KIF5C: variants seen among roughly 807,000 people sequenced by gnomAD.
KIF5C encodes kinesin family member 5C, also known as kinesin heavy chain isoform 5C.
Under a neutral mutation model 125.2 loss-of-function variants are expected in KIF5C, and 18 were observed. That is an observed-to-expected ratio of 0.14 (90% confidence interval 0.10 to 0.21). The LOEUF is 0.21. Among genes scored for constraint, KIF5C ranks in the 10% least tolerant of loss-of-function variants. The probability of loss-of-function intolerance (pLI) is 1.00; values close to 1 mark genes in which losing one functional copy is unlikely to be tolerated. For synonymous variants in KIF5C, 405 were observed against 434.0 expected (o/e 0.93, Z 0.83); for missense variants, 780 against 1,183.8 (o/e 0.66, Z 5.01).
In KIF5C at chr2:148,876,750, C is replaced by A. The variant is rs970611665; in HGVS notation, c.126+1007C>A. On this transcript the variant is annotated intron_variant, in intron 1 of 25. Transcript: ENST00000435030. The surrounding 1 kb of genome is among the most constrained non-coding windows in gnomAD (Gnocchi z 4.7). The stretch of plus-strand genomic sequence containing the variant: ...AGCTCGGTCCCCCGCCCCTTCCCCG[C>A]CCGCTGTCCGTAGCGTGTGTGGCTG... Among the ~76,000 whole-genome samples, 5 of 152,208 alleles carry A rather than the reference C, an allele frequency of 3.3e-5. No individual in the cohort carries two copies. Among genetic ancestry groups the A allele is most frequent in the African/African-American group, 1.2e-4 (5 of 41,452 alleles).
chr2:148,886,936 T>G (rs1284899017), intron 1 of KIF5C, among the ~76,000 whole-genome samples: 1 of 152,142 alleles, frequency 6.6e-6, no homozygotes, highest in Admixed American at 6.5e-5. Flanking sequence ...GAAACAATGT[T>G]TTCTGGTCTA....
chr2:148,973,817 C>CT (rs1262453119), intron 12 of KIF5C, among the ~76,000 whole-genome samples: 2 of 152,118 alleles, frequency 1.3e-5, no homozygotes, highest in Admixed American at 1.3e-4. Context: ...GTGTGAGTGT[C>CT]TATGATCTTT....
At position 148,944,107 on chromosome 2, in the gene KIF5C, TA is replaced by T. The variant is rs763883250; in HGVS notation, c.589+1356del. 5.9e-4 allele frequency among the ~76,000 whole-genome samples: 90 copies of T among 151,704 alleles called. No homozygotes were observed. The East Asian group carries it at 0.011, about 19-fold the overall frequency. ...ATGCCTTGGTTTGGAACTGCTAATC[TA>T]AAAAAAAATTGCTATTATTCTTATC... is the stretch of plus-strand genomic sequence containing the variant. On this transcript the variant is annotated intron_variant, in intron 7 of 25. Transcript: ENST00000435030.
intron 25 of KIF5C, among the ~76,000 whole-genome samples, chr2:149,019,341 G>A (rs754945408): frequency 1.3e-4 from 20 of 152,164 alleles, no homozygotes; most frequent in African/African-American, 3.9e-4. Flanking sequence ...TTAGGCCCCC[G>A]TGCATGTTAG....
At chr2:148,922,982 G>C (rs1281195033) in intron 2 of KIF5C, among the ~76,000 whole-genome samples, 1 of 152,214 alleles carries the variant, frequency 6.6e-6, no homozygotes, top group Non-Finnish European at 1.5e-5. Flanking sequence ...ATCAGGGGCA[G>C]GTTGAAGCTT....
chr2:148,880,547 A>T (rs1192889324), intron 1 of KIF5C, among the ~76,000 whole-genome samples: 2 of 152,254 alleles, frequency 1.3e-5, no homozygotes, highest in Admixed American at 1.3e-4. Flanking sequence ...TTGTAAAGTA[A>T]CCATACGGTT....
At chr2:148,942,822 C>A in intron 7 of KIF5C, 62 bp downstream of exon 7, 1 of 1,565,904 alleles carries the variant, frequency 6.4e-7, no homozygotes, top group East Asian at 2.4e-5. Context: ...GCCCACCAAC[C>A]GAGGGGGGTG....
At position 148,998,831 on chromosome 2, in the gene KIF5C, CA is replaced by C. The variant is rs58960407; in HGVS notation, c.2210+340del. The C allele has an allele frequency of 0.13, 8,240 of 62,312 alleles. 275 individuals carry two copies. The highest frequency in any genetic ancestry group is 0.36 in the East Asian group (1,029 of 2,820). 3.9% of individuals were successfully genotyped at this position (62,312 alleles called of 1,614,324 possible). On this transcript the variant is annotated intron_variant, in intron 19 of 25. Transcript: ENST00000435030. ...GGGGGAGCATCTGTAATGAAAGCAC[CA>C]AAAAAAAAAAAAAAAAAGAAAAGAA...
chr2:148,875,575 G>GCCCCCCCCCCCTCCCCCGGGCCC lies in KIF5C; in HGVS notation c.-37_-36insCCCCCTCCCCCGGGCCCCCCCCC. 1 of 699,606 alleles carries GCCCCCCCCCCCTCCCCCGGGCCC rather than the reference G, an allele frequency of 1.4e-6. No individual in the cohort carries two copies. The highest frequency in any genetic ancestry group is 1.6e-5 in the South Asian group (1 of 64,500). 43.3% of individuals were successfully genotyped at this position (699,606 alleles called of 1,614,324 possible). A position where few individuals can be genotyped will look rare whatever the true frequency, so the allele number is the denominator to read the frequency against. On this transcript the variant is annotated 5_prime_UTR_variant, in exon 1 of 26. Coordinates refer to ENST00000435030, the MANE Select transcript of KIF5C (RefSeq NM_004522.3). ...TCCTCCCTCGTCGTTCCCGGCCCCG[G>GCCCCCCCCCCCTCCCCCGGGCCC]CCCCCCACCCATCCCCGTGCCCCCT...
At chr2:149,009,742 G>C (rs981246491) in intron 23 of KIF5C, among the ~76,000 whole-genome samples, 2 of 152,170 alleles carry the variant, frequency 1.3e-5, no homozygotes, top group Non-Finnish European at 2.9e-5. Flanking sequence ...GTTTTTCACT[G>C]AGTCCTTTCA....
chr2:149,008,023 T>G lies in KIF5C; in HGVS notation c.2506T>G (p.Phe836Val). 6.2e-7 allele frequency: 1 copy of G among 1,612,328 alleles called. No homozygotes were observed. Among genetic ancestry groups the G allele is most frequent in the Admixed American group, 1.7e-5 (1 of 59,988 alleles). Residue 836 changes from phenylalanine (F) to valine (V), a missense_variant, in exon 23 of 26, where the codon TTC becomes GTC. Transcript: ENST00000435030. Reference protein sequence around the residue: ...GSAAQKQKISFLENNLEQLTK... With the variant: ...GSAAQKQKISVLENNLEQLTK... ...TGCTGCCCAGAAGCAGAAAATTTCC[T>G]TCTTGGAGAATAACCTGGAGCAGCT...
Position 149,010,357 on chromosome 2 carries a change from T to G in KIF5C, c.2767+6T>G. The G allele has an allele frequency of 6.4e-7, 1 of 1,553,554 alleles. No individual in the cohort carries two copies. Among genetic ancestry groups the G allele is most frequent in the Non-Finnish European group, 8.7e-7 (1 of 1,151,242 alleles). ...GGCCCATTCAGCCCAGATCGGTACG[T>G]GCGTGCACAGTGGCGCCCGGGGTTT... On this transcript the variant is annotated splice_donor_region_variant and intron_variant, in intron 24 of 25. Transcript: ENST00000435030.
intron 10 of KIF5C, among the ~76,000 whole-genome samples, chr2:148,960,008 T>A (rs1463912461): frequency 6.6e-6 from 1 of 152,194 alleles, no homozygotes; most frequent in Admixed American, 6.5e-5. Context: ...CATTAACCCT[T>A]GTTATTTCCC....
rs1681709056 is a variant in KIF5C, at chr2:148,997,466, T to A, written c.2100+126T>A. On this transcript the variant is annotated intron_variant, in intron 18 of 25. Coordinates refer to ENST00000435030, the MANE Select transcript of KIF5C (RefSeq NM_004522.3). ...TGGCAAGGGACAGGGGAGGGGCTGT[T>A]GTTGGGCATTCAGAGTCGATCTCAG... 15 of 1,514,588 alleles carry A rather than the reference T, an allele frequency of 9.9e-6. No homozygotes were observed. The East Asian group carries it at 3.7e-4, about 37-fold the overall frequency. The allele number at this position is 1,514,588 out of a possible 1,614,324, so 93.8% of individuals were successfully genotyped here.
intron 7 of KIF5C, among the ~76,000 whole-genome samples, chr2:148,945,551 C>T (rs1682502071): frequency 6.6e-6 from 1 of 151,990 alleles, no homozygotes; most frequent in African/African-American, 2.4e-5. Flanking sequence ...TTTGTAGTAA[C>T]TTTTATTTTT....
chr2:148,997,501 T>C, intron 18 of KIF5C, 161 bp downstream of exon 18: 1 of 1,350,576 alleles, frequency 7.4e-7, no homozygotes, highest in Non-Finnish European at 1.0e-6. Context: ...GAGTATAGCC[T>C]GGCTTAGAAA....
intron 1 of KIF5C, among the ~76,000 whole-genome samples, chr2:148,907,859 CG>C (rs1681176977): frequency 6.6e-6 from 1 of 152,180 alleles, no homozygotes; most frequent in African/African-American, 2.4e-5. Context: ...GGGACATACC[CG>C]GGACAGTCAA....
intron 14 of KIF5C, among the ~76,000 whole-genome samples, chr2:148,982,960 A>T (rs574021945): frequency 6.6e-6 from 1 of 152,360 alleles, no homozygotes; most frequent in African/African-American, 2.4e-5. Flanking sequence ...GGCAAGATAC[A>T]TGAGGATGAA....
intron 18 of KIF5C, chr2:148,997,661 T>C: frequency 3.0e-6 from 1 of 333,828 alleles, no homozygotes; most frequent in Non-Finnish European, 5.4e-6. Context: ...TAAGGATTTC[T>C]TCCTCCAACC....
Sources: gnomAD v4.1 joint callset for allele counts (sites outside exome capture counted in the v4.1 genomes callset) on GRCh38, gnomAD v4.1.1 for gene constraint, Gnocchi (gnomAD v3.1) non-coding constraint, MANE v1.5 for transcripts, NCBI Gene and HGNC (gene_info 2026-07-23, HGNC 2026-07-21) for gene names.